MTMR12: variants seen among roughly 807,000 people sequenced by gnomAD.
MTMR12 encodes the protein myotubularin related protein 12, also known as myotubularin-related protein 12.
A neutral mutation model predicts 96.7 loss-of-function variants in MTMR12; 33 were observed. The observed-to-expected ratio is 0.34, with a 90% confidence interval of 0.26 to 0.46. The LOEUF is 0.46. Among genes scored for constraint, MTMR12 ranks in the 20% least tolerant of loss-of-function variants. The pLI is 1.00. For synonymous variants in MTMR12, 298 were observed against 327.2 expected, an observed-to-expected ratio of 0.91 and a Z score of 0.96; for missense variants, 721 against 896.1, an observed-to-expected ratio of 0.80 and a Z score of 2.49.
chr5:32,244,200 G>A (rs78065867), intron 10 of MTMR12, among the ~76,000 whole-genome samples: 4,819 of 151,860 alleles, frequency 0.032, 266 homozygotes, highest in African/African-American at 0.11. Flanking sequence ...GATCACTTGA[G>A]GCCAGGAGTT....
At chr5:32,272,962 A>G (rs892055774) in intron 3 of MTMR12, among the ~76,000 whole-genome samples, 3 of 152,154 alleles carry the variant, frequency 2.0e-5, no homozygotes, top group African/African-American at 4.8e-5. Context: ...CAGTTGGCAC[A>G]TTGGGGCCAG....
chr5:32,228,607 T>TAA lies in MTMR12; in HGVS notation c.*1170_*1171insTT, dbSNP rs1554053440. 1 of 117,350 alleles carries TAA rather than the reference T, an allele frequency of 8.5e-6. No homozygotes were observed. Among genetic ancestry groups the TAA allele is most frequent in the East Asian group, 2.5e-4 (1 of 3,924 alleles). The allele number at this position is 117,350 out of a possible 1,614,324, so 7.3% of individuals were successfully genotyped here. On this transcript the variant is annotated 3_prime_UTR_variant, in exon 16 of 16. Transcript: ENST00000382142. ...TATATATGTGATATATATATATATA[T>TAA]CATATATATGATATATATATATCAC...
chr5:32,248,882 T>G lies in MTMR12; in HGVS notation c.790-4A>C. 1 of 1,608,708 alleles carries G rather than the reference T, an allele frequency of 6.2e-7. No homozygotes were observed. Reference sequence around the variant, plus strand: ...TGTGGCAGGACCAACACCATATCTGTAGAAACAAATAAAGCTTTACCAGAT... The same window carrying G: ...TGTGGCAGGACCAACACCATATCTGGAGAAACAAATAAAGCTTTACCAGAT... On this transcript the variant is annotated splice_region_variant and splice_polypyrimidine_tract_variant and intron_variant, in intron 8 of 15. Transcript: ENST00000382142.
chr5:32,254,054 A>T (rs1293702793), intron 8 of MTMR12, among the ~76,000 whole-genome samples: 1 of 152,232 alleles, frequency 6.6e-6, no homozygotes, highest in Non-Finnish European at 1.5e-5. Flanking sequence ...GCAGGGATGG[A>T]GAAGCAGCCT....
chr5:32,292,145 T>C (rs1317879727), intron 1 of MTMR12, among the ~76,000 whole-genome samples: 3 of 152,226 alleles, frequency 2.0e-5, no homozygotes, highest in Non-Finnish European at 2.9e-5. Flanking sequence ...AATGGTGTAA[T>C]AGCCTTTTGA....
At chr5:32,232,329 C>T (rs1028767330) in intron 15 of MTMR12, among the ~76,000 whole-genome samples, 2 of 152,218 alleles carry the variant, frequency 1.3e-5, no homozygotes, top group African/African-American at 4.8e-5. Context: ...TTCTTGTCGC[C>T]CCCGTCCCAA....
At chr5:32,305,886 A>G (rs1751339713) in intron 1 of MTMR12, among the ~76,000 whole-genome samples, 1 of 151,624 alleles carries the variant, frequency 6.6e-6, no homozygotes, top group Non-Finnish European at 1.5e-5. Flanking sequence ...CTGGGCAACA[A>G]GAGTGAAACT....
intron 1 of MTMR12, among the ~76,000 whole-genome samples, chr5:32,307,036 T>A (rs1561819181): frequency 6.6e-6 from 1 of 152,164 alleles, no homozygotes; most frequent in Non-Finnish European, 1.5e-5. Context: ...GGAAAGATGT[T>A]TACAATATAC....
At chr5:32,248,611 T>C (rs180787044) in intron 9 of MTMR12, among the ~76,000 whole-genome samples, 161 bp downstream of exon 9, 1 of 152,354 alleles carries the variant, frequency 6.6e-6, no homozygotes, top group Admixed American at 6.5e-5. Context: ...TATGTTATAC[T>C]GACTCCTTTC....
At chr5:32,232,877 G>A (rs1748051438) in intron 15 of MTMR12, 3 of 841,962 alleles carry the variant, frequency 3.6e-6, no homozygotes, top group Non-Finnish European at 4.3e-6. Flanking sequence ...ACACCAGAAA[G>A]GGCCAGGCTT....
intron 1 of MTMR12, among the ~76,000 whole-genome samples, chr5:32,285,175 T>C (rs1307008800): frequency 1.3e-5 from 2 of 151,836 alleles, no homozygotes; most frequent in East Asian, 1.9e-4. Flanking sequence ...CTGGCCAACA[T>C]GGTGAAACCC....
intron 8 of MTMR12, among the ~76,000 whole-genome samples, chr5:32,250,347 A>T (rs1020819310): frequency 6.6e-6 from 1 of 152,238 alleles, no homozygotes; most frequent in South Asian, 2.1e-4. Flanking sequence ...GGACAGAGTG[A>T]CACAGAACTG....
At chr5:32,246,739 T>A (rs1168459125) in intron 10 of MTMR12, among the ~76,000 whole-genome samples, 1 of 152,184 alleles carries the variant, frequency 6.6e-6, no homozygotes, top group Non-Finnish European at 1.5e-5. Context: ...CATCAATAAT[T>A]TCACCATTCT....
chr5:32,244,202 C>A (rs1381259282), intron 10 of MTMR12, among the ~76,000 whole-genome samples: 1 of 151,786 alleles, frequency 6.6e-6, no homozygotes, highest in African/African-American at 2.4e-5. Context: ...TCACTTGAGG[C>A]CAGGAGTTTG....
chr5:32,276,929 A>G (rs935254546), intron 1 of MTMR12, among the ~76,000 whole-genome samples, 187 bp from the exon 2 acceptor site: 73 of 110,218 alleles, frequency 6.6e-4, no homozygotes, highest in African/African-American at 2.5e-3. Flanking sequence ...CTCTGTTGCC[A>G]GGCTGGAGTG....
intron 1 of MTMR12, among the ~76,000 whole-genome samples, chr5:32,280,780 C>T (rs115102387): frequency 0.02 from 3,085 of 152,078 alleles, 51 homozygotes; most frequent in Non-Finnish European, 0.028. Context: ...CAGTTTCCTC[C>T]GATATACTAA....
chr5:32,264,690 A>T (rs1351863885), intron 6 of MTMR12, among the ~76,000 whole-genome samples: 1 of 152,022 alleles, frequency 6.6e-6, no homozygotes, highest in Non-Finnish European at 1.5e-5. Context: ...TGAACTCCTG[A>T]CCTCATGATC....
At chr5:32,301,643 C>T (rs1751145407) in intron 1 of MTMR12, among the ~76,000 whole-genome samples, 1 of 152,176 alleles carries the variant, frequency 6.6e-6, no homozygotes, top group Non-Finnish European at 1.5e-5. Flanking sequence ...GTAATCCCAG[C>T]ACTTTGGGGG....
rs113574259 is a variant in MTMR12 at position 32,296,526 on chromosome 5, G to A, written c.81+16232C>T. On this transcript the variant is annotated intron_variant, in intron 1 of 15. Transcript: ENST00000382142. The stretch of plus-strand genomic sequence containing the variant: ...AAAGGTGTAATTGGCTGGGCATGGC[G>A]ATTTACACTTTGCCTGTAATCCCAG... 2.2e-3 allele frequency: 707 copies of A among 324,636 alleles called. 6 individuals carry two copies. The highest frequency in any genetic ancestry group is 0.014 in the African/African-American group (659 of 45,870). 20.1% of individuals were successfully genotyped at this position (324,636 alleles called of 1,614,324 possible).
Sources: allele counts gnomAD v4.1 joint callset (sites outside exome capture counted in the v4.1 genomes callset), GRCh38; gene constraint gnomAD v4.1.1; transcripts MANE v1.5; gene names NCBI Gene and HGNC (gene_info 2026-07-23, HGNC 2026-07-21).